DNMT1: variants seen among roughly 807,000 people sequenced by gnomAD.
DNMT1 encodes the protein DNA (cytosine-5)-methyltransferase 1.
A neutral mutation model predicts 205.3 loss-of-function variants in DNMT1; 24 were observed. The ratio of observed to expected loss-of-function variants is 0.12; its 90% CI spans 0.08 to 0.16. The LOEUF (loss-of-function observed/expected upper bound fraction) is 0.16, where lower values mean the gene tolerates loss of function less well. Among genes scored for constraint, DNMT1 ranks in the 10% least tolerant of loss-of-function variants. DNMT1 has a pLI of 1.00. For missense variants in DNMT1, 1,293 were observed against 2,177.7 expected, an observed-to-expected ratio of 0.59 and a Z score of 8.09; for synonymous variants, 817 against 839.8, an observed-to-expected ratio of 0.97 and a Z score of 0.47.
At chr19:10,161,359 AAAT>A (rs1555692549) in intron 13 of DNMT1, among the ~76,000 whole-genome samples, 4 of 151,482 alleles carry the variant, frequency 2.6e-5, no homozygotes, top group Non-Finnish European at 5.9e-5. Flanking sequence ...ATAAATAAAT[AAAT>A]AACTGGCCAG....
chr19:10,134,101 G>T, intron 40 of DNMT1, 116 bp downstream of exon 40: 1 of 1,045,232 alleles, frequency 9.6e-7, no homozygotes, highest in Non-Finnish European at 1.5e-6. Context: ...GGCCACGAAC[G>T]TGGGTAGGTG....
intron 6 of DNMT1, among the ~76,000 whole-genome samples, chr19:10,176,065 G>C (rs889483535): frequency 3.3e-5 from 5 of 152,132 alleles, no homozygotes; most frequent in Non-Finnish European, 7.3e-5. Context: ...CTACTCAGGA[G>C]GCTGAGGCAG....
chr19:10,193,899 T>C (rs2039349323), intron 1 of DNMT1, among the ~76,000 whole-genome samples: 1 of 152,162 alleles, frequency 6.6e-6, no homozygotes, highest in African/African-American at 2.4e-5. Flanking sequence ...AATGAACTGA[T>C]GGCGTTCATG....
Position 10,138,950 on chromosome 19 carries a change from G to A in DNMT1, c.3949-345C>T, listed in dbSNP as rs1396056938. Among the ~76,000 whole-genome samples the A allele has an allele frequency of 1.3e-5, 2 of 152,208 alleles. No individual in the cohort carries two copies. The highest frequency in any genetic ancestry group is 6.5e-5 in the Admixed American group (1 of 15,292). Reference sequence around the variant, plus strand: ...GCCCTGTCGCTTCCCTGATGGCTGTGGTCACAAGGACAGAGAACGTGGCTG... The same window carrying A: ...GCCCTGTCGCTTCCCTGATGGCTGTAGTCACAAGGACAGAGAACGTGGCTG... On this transcript the variant is annotated intron_variant, in intron 34 of 40. Transcript: ENST00000359526. The surrounding 1 kb of genome is among the most constrained non-coding windows in gnomAD (Gnocchi z 4.1).
chr19:10,189,121 A>ATTTT (rs3079979), intron 1 of DNMT1, among the ~76,000 whole-genome samples: 5 of 143,648 alleles, frequency 3.5e-5, no homozygotes, highest in African/African-American at 7.7e-5. Flanking sequence ...GACTCAGATG[A>ATTTT]TTTTTTTTTT....
At chr19:10,183,492 A>G (rs967618197) in intron 1 of DNMT1, among the ~76,000 whole-genome samples, 6 of 152,118 alleles carry the variant, frequency 3.9e-5, no homozygotes, top group African/African-American at 1.4e-4. Context: ...GGCCAAGGCG[A>G]GCGGATCACT....
intron 39 of DNMT1, among the ~76,000 whole-genome samples, chr19:10,134,752 G>A (rs1241312002): frequency 1.3e-5 from 2 of 151,920 alleles, no homozygotes; most frequent in South Asian, 2.1e-4. Context: ...CAGCACCTCA[G>A]GAGGCTGAGG....
At chr19:10,139,192 G>A (rs1302427649) in intron 34 of DNMT1, among the ~76,000 whole-genome samples, 1 of 152,232 alleles carries the variant, frequency 6.6e-6, no homozygotes, top group Non-Finnish European at 1.5e-5. Flanking sequence ...CCCTGTCCCT[G>A]CAGACACAGC....
intron 4 of DNMT1, 32 bp from the exon 5 acceptor site, chr19:10,180,266 T>A: frequency 6.5e-7 from 1 of 1,536,006 alleles, no homozygotes; most frequent in Non-Finnish European, 8.9e-7. Context: ...GAGCCGAGGT[T>A]ACACCACTGT....
intron 11 of DNMT1, 49 bp downstream of exon 11, chr19:10,166,549 A>G (rs1045084089): frequency 6.2e-7 from 1 of 1,611,398 alleles, no homozygotes; most frequent in Non-Finnish European, 8.5e-7. Flanking sequence ...CCAAGCAAAC[A>G]GGAGCAGAAG....
chr19:10,187,763 G>A (rs2039221182), intron 1 of DNMT1, among the ~76,000 whole-genome samples: 1 of 151,856 alleles, frequency 6.6e-6, no homozygotes, highest in African/African-American at 2.4e-5. Context: ...AGCTACTCAG[G>A]AGGCTGAGGC....
intron 9 of DNMT1, among the ~76,000 whole-genome samples, chr19:10,169,172 C>T (rs548272010): frequency 6.6e-6 from 1 of 151,968 alleles, no homozygotes; most frequent in South Asian, 2.1e-4. Flanking sequence ...GCCAGAGAAT[C>T]AGGCAAGTCA....
At chr19:10,155,104 G>A (rs774240793) in intron 19 of DNMT1, 48 bp from the exon 20 acceptor site, 127 of 1,610,532 alleles carry the variant, frequency 7.9e-5, no homozygotes, top group Non-Finnish European at 9.8e-5. Context: ...ATCTGATGGC[G>A]CCTACAGTGG....
At chr19:10,194,190 T>TG (rs1375385092) in intron 1 of DNMT1, among the ~76,000 whole-genome samples, 1 of 152,126 alleles carries the variant, frequency 6.6e-6, no homozygotes, top group Non-Finnish European at 1.5e-5. Flanking sequence ...TGCCAAAACA[T>TG]GGACTTTCCC....
intron 22 of DNMT1, among the ~76,000 whole-genome samples, chr19:10,152,191 G>GA (rs1172451605): frequency 2.0e-4 from 10 of 50,016 alleles, no homozygotes; most frequent in Non-Finnish European, 3.2e-4. Flanking sequence ...AAAAAAAAAG[G>GA]AAAAAAAAAG....
At position 10,187,881 on chromosome 19, in the gene DNMT1, G is replaced by A. The variant is rs574796450; in HGVS notation, c.81-5804C>T. Among the ~76,000 whole-genome samples the A allele has an allele frequency of 4.0e-5, 6 of 150,924 alleles. No individual in the cohort carries two copies. The South Asian group carries it at 6.3e-4, about 16-fold the overall frequency. ...TAATTAGCTGGGTGTGCTAGCATGT[G>A]CCTATAGGCCTAGCTACTCGGGAAG... On this transcript the variant is annotated intron_variant, in intron 1 of 40. Transcript: ENST00000359526.
In DNMT1 at chr19:10,141,158, T is replaced by A; in HGVS notation, c.3341A>T (p.Asp1114Val). 1 of 1,614,020 alleles carries A rather than the reference T, an allele frequency of 6.2e-7. No homozygotes were observed. Among genetic ancestry groups the A allele is most frequent in the East Asian group, 2.2e-5 (1 of 44,876 alleles). ...AGGGCTACGGGCATGGTTGGGAGGA[T>A]CTTCAAAGCTTTTGCTCTTTGCATT... ...AYNAKSKSFE[D>V]PPNHARSPGN... The change falls in exon 31 of 41, where the codon GAT becomes GTT. Residue 1114 changes from aspartate (D) to valine (V), a missense_variant. Physicochemically the swap from Asp to Val is radical, Grantham distance 152. This residue lies in a region of DNMT1 where 167 missense variants were observed against 258.1 expected (regional missense o/e 0.65). Coordinates refer to ENST00000359526, the MANE Select transcript of DNMT1 (RefSeq NM_001130823.3).
intron 10 of DNMT1, among the ~76,000 whole-genome samples, chr19:10,168,003 C>A: frequency 6.6e-6 from 1 of 152,022 alleles, no homozygotes; most frequent in African/African-American, 2.4e-5. Context: ...CAGGCCCATA[C>A]TCCCAGCTAC....
At chr19:10,149,359 T>C in intron 26 of DNMT1, 94 bp downstream of exon 26, 1 of 1,415,440 alleles carries the variant, frequency 7.1e-7, no homozygotes, top group Non-Finnish European at 9.7e-7. Context: ...AAAACCAAAT[T>C]AAAAAAAAAT....
Sources: gnomAD v4.1 joint callset for allele counts (sites outside exome capture counted in the v4.1 genomes callset) on GRCh38, gnomAD v4.1.1 for gene constraint, gnomAD v4.1.1 regional missense constraint, Gnocchi (gnomAD v3.1) non-coding constraint, MANE v1.5 for transcripts, NCBI Gene and HGNC (gene_info 2026-07-23, HGNC 2026-07-21) for gene names.